GLUD1: variants seen among roughly 807,000 people sequenced by gnomAD.
GLUD1 encodes glutamate dehydrogenase 1.
GLUD1 carries 22 observed loss-of-function variants against 56.0 expected under a neutral mutation model. That is an observed-to-expected ratio of 0.39 (90% CI 0.28 to 0.56). The LOEUF is 0.56. Ranked by LOEUF, GLUD1 falls within the 20% of genes least tolerant of loss-of-function variation. GLUD1 has a pLI of 0.58. For missense variants in GLUD1, 451 were observed against 732.0 expected (o/e 0.62, Z 4.43); for synonymous variants, 223 against 269.9 (o/e 0.83, Z 1.70).
Position 87,051,638 on chromosome 10 carries a change from C to G in GLUD1, c.*113G>C. ...TGGATTGACTTGTTGAGAATGGTATCCATTATTAATGAGTCAGGAGAGAAA... is the reference window on the plus strand; with the variant it reads ...TGGATTGACTTGTTGAGAATGGTATGCATTATTAATGAGTCAGGAGAGAAA... On this transcript the variant is annotated 3_prime_UTR_variant, in exon 13 of 13. Coordinates refer to ENST00000277865, the MANE Select transcript of GLUD1 (RefSeq NM_005271.5). 8.7e-7 allele frequency: 1 copy of G among 1,154,852 alleles called. No homozygotes were observed. The highest frequency in any genetic ancestry group is 1.3e-6 in the Non-Finnish European group (1 of 762,986). The allele number at this position is 1,154,852 out of a possible 1,614,324, so 71.5% of individuals were successfully genotyped here.
intron 2 of GLUD1, among the ~76,000 whole-genome samples, chr10:87,076,224 C>A (rs1001814938): frequency 4.6e-5 from 7 of 152,038 alleles, no homozygotes; most frequent in African/African-American, 1.7e-4. Context: ...AATTGGCTAG[C>A]CAAGTTCTAA....
At chr10:87,086,624 C>T in intron 1 of GLUD1, among the ~76,000 whole-genome samples, 1 of 151,378 alleles carries the variant, frequency 6.6e-6, no homozygotes, top group East Asian at 1.9e-4. Flanking sequence ...GAGATCAAGA[C>T]CATCCTGGCT....
At chr10:87,088,938 C>T (rs1020316324) in intron 1 of GLUD1, among the ~76,000 whole-genome samples, 1 of 152,162 alleles carries the variant, frequency 6.6e-6, no homozygotes, top group African/African-American at 2.4e-5. Context: ...AGTCTTCAAA[C>T]CTCTTTTGAT....
intron 1 of GLUD1, among the ~76,000 whole-genome samples, chr10:87,084,394 T>C (rs1011612569): frequency 1.3e-5 from 2 of 152,246 alleles, no homozygotes; most frequent in Admixed American, 1.3e-4. Flanking sequence ...TAATGAGCAG[T>C]ACATGCTAAG....
At chr10:87,062,470 T>C (rs1471081186) in intron 6 of GLUD1, among the ~76,000 whole-genome samples, 186 bp downstream of exon 6, 10 of 152,182 alleles carry the variant, frequency 6.6e-5, no homozygotes, top group Non-Finnish European at 1.3e-4. Flanking sequence ...GATACTTAAA[T>C]CAGTTCTAGT....
At chr10:87,083,398 A>C (rs981440207) in intron 1 of GLUD1, among the ~76,000 whole-genome samples, 1 of 152,172 alleles carries the variant, frequency 6.6e-6, no homozygotes, top group Non-Finnish European at 1.5e-5. Context: ...TCTCGTTCAA[A>C]TATACTCAAT....
chr10:87,069,514 C>CA (rs374019349), intron 4 of GLUD1, among the ~76,000 whole-genome samples: 1,583 of 62,388 alleles, frequency 0.025, 20 homozygotes, highest in African/African-American at 0.058. Flanking sequence ...GACTCTGTTT[C>CA]AAAAAAAAAA....
At chr10:87,073,680 G>A (rs752494088) in intron 4 of GLUD1, among the ~76,000 whole-genome samples, 45 of 136,162 alleles carry the variant, frequency 3.3e-4, no homozygotes, top group Admixed American at 1.7e-4. Flanking sequence ...GTGTAGTGGC[G>A]TGATCTTGGC....
At chr10:87,061,598 T>C (rs1845932414) in intron 6 of GLUD1, among the ~76,000 whole-genome samples, 1 of 151,954 alleles carries the variant, frequency 6.6e-6, no homozygotes, top group Non-Finnish European at 1.5e-5. Flanking sequence ...AAAAGGGATG[T>C]CACTAATTTG....
chr10:87,084,064 C>T (rs1359345828), intron 1 of GLUD1, among the ~76,000 whole-genome samples: 1 of 152,218 alleles, frequency 6.6e-6, no homozygotes, highest in East Asian at 1.9e-4. Context: ...CAAGGCCACC[C>T]TGCTGACAAA....
At chr10:87,066,725 T>C (rs551721486) in intron 5 of GLUD1, among the ~76,000 whole-genome samples, 15 of 152,378 alleles carry the variant, frequency 9.8e-5, no homozygotes, top group African/African-American at 2.6e-4. Flanking sequence ...AAACAACTTC[T>C]AGCAATTTAT....
At chr10:87,079,388 C>T (rs903659015) in intron 1 of GLUD1, among the ~76,000 whole-genome samples, 1 of 150,750 alleles carries the variant, frequency 6.6e-6, no homozygotes, top group African/African-American at 2.4e-5. Flanking sequence ...CAGTGAGCTA[C>T]GCTCAGGTCA....
At chr10:87,073,610 C>CTTTTTTTTTTTTTT (rs71019462) in intron 4 of GLUD1, among the ~76,000 whole-genome samples, 1 of 74,140 alleles carries the variant, frequency 1.3e-5, no homozygotes, top group Non-Finnish European at 2.5e-5. Context: ...AATTAACATT[C>CTTTTTTTTTTTTTT]TTTTTTTTTT....
intron 1 of GLUD1, among the ~76,000 whole-genome samples, chr10:87,078,664 C>T (rs1314810748): frequency 2.0e-5 from 3 of 152,084 alleles, no homozygotes; most frequent in Non-Finnish European, 4.4e-5. Context: ...ATTTGACATA[C>T]ATGTTAAGTT....
chr10:87,086,657 A>G (rs1841389242), intron 1 of GLUD1, among the ~76,000 whole-genome samples: 1 of 150,506 alleles, frequency 6.6e-6, no homozygotes, highest in Admixed American at 6.6e-5. Context: ...CCCCGTCTCC[A>G]CTAAAAATAC....
At chr10:87,068,680 T>C (rs895638994) in intron 4 of GLUD1, among the ~76,000 whole-genome samples, 2 of 152,124 alleles carry the variant, frequency 1.3e-5, no homozygotes, top group Admixed American at 6.6e-5. Context: ...CCCATATTAT[T>C]TTTACTTGTG....
chr10:87,072,707 T>C (rs1846272127), intron 4 of GLUD1, among the ~76,000 whole-genome samples: 1 of 152,246 alleles, frequency 6.6e-6, no homozygotes, highest in Non-Finnish European at 1.5e-5. Context: ...TTGTCAAGTC[T>C]GATAAAATTA....
chr10:87,080,875 C>A (rs1348564217), intron 1 of GLUD1, among the ~76,000 whole-genome samples: 2 of 149,802 alleles, frequency 1.3e-5, no homozygotes, highest in African/African-American at 4.9e-5. Flanking sequence ...CCCGGCCAGC[C>A]GCCCCGTCCG....
intron 5 of GLUD1, among the ~76,000 whole-genome samples, chr10:87,063,905 G>A (rs1001017067): frequency 2.0e-5 from 3 of 151,406 alleles, no homozygotes; most frequent in South Asian, 4.2e-4. Context: ...TTGAGACGGA[G>A]TCTCGCTCTG....
Sources: allele counts gnomAD v4.1 joint callset (sites outside exome capture counted in the v4.1 genomes callset), GRCh38; gene constraint gnomAD v4.1.1; transcripts MANE v1.5; gene names NCBI Gene and HGNC (gene_info 2026-07-23, HGNC 2026-07-21).